Variants in NCAM1 observed in about 807,000 individuals in gnomAD.
The protein encoded by NCAM1 is neural cell adhesion molecule 1.
A neutral mutation model predicts 109.8 loss-of-function variants in NCAM1; 14 were observed. That is an observed-to-expected ratio of 0.13 (90% CI 0.08 to 0.20). The LOEUF is 0.20. NCAM1 is among the 10% of genes least tolerant of loss of function. NCAM1 has a pLI of 1.00. For missense variants in NCAM1, 774 were observed against 1,109.9 expected (o/e 0.70, Z 4.30); for synonymous variants, 418 against 442.9 (o/e 0.94, Z 0.70).
chr11:113,195,910 GGTGTGTGTGT>G (rs58873545), intron 1 of NCAM1, among the ~76,000 whole-genome samples: 4 of 148,398 alleles, frequency 2.7e-5, no homozygotes, highest in African/African-American at 9.9e-5. Flanking sequence ...TTGTTTGCAG[GGTGTGTGTGT>G]GTGTGTGTGT....
rs371919700 is a variant in NCAM1 at position 113,054,663 on chromosome 11, G to A, written c.52+92999G>A. Among the ~76,000 whole-genome samples, 11 of 152,246 alleles carry A rather than the reference G, an allele frequency of 7.2e-5. No homozygotes were observed. The East Asian group carries it at 2.1e-3, about 29-fold the overall frequency. On this transcript the variant is annotated intron_variant, in intron 1 of 19. Coordinates refer to ENST00000316851, the MANE Select transcript of NCAM1 (RefSeq NM_181351.5). ...ACTTTAACCTCCTCGGCTTTTTGGGGGCCAAATTGATCCAGTCTCCAAGTC... is the reference window on the plus strand; with the variant it reads ...ACTTTAACCTCCTCGGCTTTTTGGGAGCCAAATTGATCCAGTCTCCAAGTC...
intron 1 of NCAM1, among the ~76,000 whole-genome samples, chr11:113,081,171 C>T (rs1440004673): frequency 6.6e-6 from 1 of 152,190 alleles, no homozygotes; most frequent in Non-Finnish European, 1.5e-5. Flanking sequence ...GTGGCTGGCA[C>T]ACTGTTTCTC....
At chr11:113,234,371 C>T (rs1340588128) in intron 13 of NCAM1, among the ~76,000 whole-genome samples, 2 of 151,826 alleles carry the variant, frequency 1.3e-5, no homozygotes, top group Non-Finnish European at 2.9e-5. Context: ...AAGTTGTAAC[C>T]ATCACCACCA....
chr11:113,127,672 C>T (rs1251815956), intron 1 of NCAM1, among the ~76,000 whole-genome samples: 2 of 152,138 alleles, frequency 1.3e-5, no homozygotes, highest in Non-Finnish European at 2.9e-5. Context: ...ATTGGTAATT[C>T]AATCTCCACT....
chr11:112,985,197 C>T lies in NCAM1; in HGVS notation c.52+23533C>T, dbSNP rs1591215024. ...TAATGCCACATAATGCATGTAATGC[C>T]ACATATCCTTGGGTTTATTTCTGGA... On this transcript the variant is annotated intron_variant, in intron 1 of 19. Coordinates refer to ENST00000316851, the MANE Select transcript of NCAM1 (RefSeq NM_181351.5). 2.7e-5 allele frequency among the ~76,000 whole-genome samples: 4 copies of T among 150,710 alleles called. No homozygotes were observed. The East Asian group carries it at 7.8e-4, about 29-fold the overall frequency.
At chr11:112,985,013 A>T (rs575130974) in intron 1 of NCAM1, among the ~76,000 whole-genome samples, 1 of 151,508 alleles carries the variant, frequency 6.6e-6, no homozygotes, top group Non-Finnish European at 1.5e-5. Flanking sequence ...TCCTTCTAAG[A>T]GTTTTATAGC....
intron 1 of NCAM1, among the ~76,000 whole-genome samples, chr11:113,062,256 TC>T (rs1937697779): frequency 6.6e-6 from 1 of 152,210 alleles, no homozygotes; most frequent in South Asian, 2.1e-4. Context: ...TGTCCATTCT[TC>T]CTTTCTCCCA....
At chr11:113,127,423 C>T (rs974100580) in intron 1 of NCAM1, among the ~76,000 whole-genome samples, 7 of 152,098 alleles carry the variant, frequency 4.6e-5, no homozygotes, top group South Asian at 2.1e-4. Flanking sequence ...TCTTTTCTTC[C>T]GGAAGCCATT....
At chr11:113,152,884 CAAAG>C (rs1362291966) in intron 1 of NCAM1, among the ~76,000 whole-genome samples, 10 of 152,038 alleles carry the variant, frequency 6.6e-5, no homozygotes, top group Non-Finnish European at 1.5e-4. Flanking sequence ...CAAGCCATTG[CAAAG>C]TGTTAAGAAA....
intron 1 of NCAM1, among the ~76,000 whole-genome samples, chr11:112,991,400 T>C (rs1451164094): frequency 2.6e-5 from 4 of 152,206 alleles, no homozygotes; most frequent in South Asian, 2.1e-4. Context: ...TATAGGCTAT[T>C]ATAGTTCATC....
chr11:113,263,174 CTTT>C, intron 17 of NCAM1: 1 of 1,172,994 alleles, frequency 8.5e-7, no homozygotes, highest in Non-Finnish European at 1.1e-6. Context: ...TTTGAGAGCT[CTTT>C]CTTTAAATGC....
At chr11:113,124,136 G>A (rs1941081580) in intron 1 of NCAM1, among the ~76,000 whole-genome samples, 1 of 152,158 alleles carries the variant, frequency 6.6e-6, no homozygotes, top group South Asian at 2.1e-4. Flanking sequence ...GAAAGAAGAA[G>A]GGAAAGCTGT....
At chr11:113,041,508 ATGAAT>A (rs1452184426) in intron 1 of NCAM1, among the ~76,000 whole-genome samples, 1 of 152,118 alleles carries the variant, frequency 6.6e-6, no homozygotes, top group Non-Finnish European at 1.5e-5. Flanking sequence ...TAACTATATA[ATGAAT>A]TGACCATTTG....
intron 1 of NCAM1, among the ~76,000 whole-genome samples, chr11:113,201,522 C>G (rs1382803866): frequency 6.6e-6 from 1 of 152,156 alleles, no homozygotes; most frequent in East Asian, 1.9e-4. Flanking sequence ...TTTTCCACCT[C>G]GAAACTCTAT....
chr11:113,178,172 T>C (rs12286372), intron 1 of NCAM1, among the ~76,000 whole-genome samples: 10,672 of 152,130 alleles, frequency 0.07, 765 homozygotes, highest in African/African-American at 0.18. Context: ...GGTGCTTCCA[T>C]TTTAGAAGAG....
At chr11:113,214,640 CG>C in intron 8 of NCAM1, 129 bp downstream of exon 8, 1 of 1,027,952 alleles carries the variant, frequency 9.7e-7, no homozygotes, top group Non-Finnish European at 1.4e-6. Context: ...AGCCAGATCC[CG>C]GGGCCTCCCT....
chr11:113,097,755 A>G (rs1179561746), intron 1 of NCAM1, among the ~76,000 whole-genome samples: 1 of 152,170 alleles, frequency 6.6e-6, no homozygotes, highest in Non-Finnish European at 1.5e-5. Context: ...TCATTAATGG[A>G]CATGTATTTT....
chr11:113,153,200 G>A (rs1019957648), intron 1 of NCAM1, among the ~76,000 whole-genome samples: 4 of 151,952 alleles, frequency 2.6e-5, no homozygotes, highest in Non-Finnish European at 5.9e-5. Flanking sequence ...CCGCCACCAC[G>A]CCCAGCTAAT....
At chr11:113,169,036 CTGTGTG>C (rs10562516) in intron 1 of NCAM1, among the ~76,000 whole-genome samples, 33,811 of 146,792 alleles carry the variant, frequency 0.23, 5,257 homozygotes, top group African/African-American at 0.44. Context: ...CTTCCTCTTT[CTGTGTG>C]TGTGTGTGTG....
Sources: gnomAD v4.1 joint callset for allele counts (sites outside exome capture counted in the v4.1 genomes callset) on GRCh38, gnomAD v4.1.1 for gene constraint, MANE v1.5 for transcripts, NCBI Gene and HGNC (gene_info 2026-07-23, HGNC 2026-07-21) for gene names.